PAN3: variants seen among roughly 807,000 people sequenced by gnomAD.
The protein encoded by PAN3 is poly(A) specific ribonuclease subunit PAN3, also known as PAN2-PAN3 deadenylation complex subunit PAN3.
A neutral mutation model predicts 96.2 loss-of-function variants in PAN3; 19 were observed. That is an observed-to-expected ratio of 0.20 (90% CI 0.14 to 0.29). The LOEUF (loss-of-function observed/expected upper bound fraction) is 0.29, where lower values mean the gene tolerates loss of function less well. PAN3 is among the 10% of genes least tolerant of loss of function. The probability of loss-of-function intolerance (pLI) is 1.00; values close to 1 mark genes in which losing one functional copy is unlikely to be tolerated. For synonymous variants in PAN3, 433 were observed against 406.6 expected (o/e 1.06, Z -0.78); for missense variants, 882 against 1,108.1 (o/e 0.80, Z 2.90).
chr13:28,201,678 G>T (rs1878725314), intron 5 of PAN3, among the ~76,000 whole-genome samples: 1 of 152,092 alleles, frequency 6.6e-6, no homozygotes, highest in Non-Finnish European at 1.5e-5. Context: ...GGGATTATAG[G>T]CATAAACGAC....
rs1566216682 is a variant in PAN3, at chr13:28,239,203, A to ACACACGCG, written c.1001-17084_1001-17083insGCGCACAC. Among the ~76,000 whole-genome samples the ACACACGCG allele has an allele frequency of 1.7e-3, 190 of 115,124 alleles. 3 individuals are homozygous for ACACACGCG. In the Middle Eastern group the frequency reaches 0.033, roughly 20 times the overall value. The allele number at this position is 115,124 out of a possible 152,430, so 75.5% of individuals were successfully genotyped here. ...CACACACACACGCATGCACACACGC[A>ACACACGCG]CACACACACACACACACACGGAAAG... is the stretch of plus-strand genomic sequence containing the variant. On this transcript the variant is annotated intron_variant, in intron 6 of 18. Transcript: ENST00000380958.
intron 1 of PAN3, among the ~76,000 whole-genome samples, chr13:28,154,609 C>T (rs1871848648): frequency 6.6e-6 from 1 of 152,092 alleles, no homozygotes; most frequent in Non-Finnish European, 1.5e-5. Flanking sequence ...AGTCTCCCGC[C>T]TCAGCCTCCC....
At chr13:28,176,440 C>T in intron 2 of PAN3, 53 bp from the exon 3 acceptor site, 1 of 1,525,790 alleles carries the variant, frequency 6.6e-7, no homozygotes, top group Non-Finnish European at 9.1e-7. Context: ...TGGTTGGATA[C>T]TTTTATTTCT....
chr13:28,152,535 G>T (rs1871497084), intron 1 of PAN3, among the ~76,000 whole-genome samples: 1 of 151,938 alleles, frequency 6.6e-6, no homozygotes, highest in African/African-American at 2.4e-5. Flanking sequence ...AGTGAGCCGA[G>T]ATGGCGCTAT....
chr13:28,181,851 T>C (rs1399239777), intron 4 of PAN3, among the ~76,000 whole-genome samples: 1 of 152,240 alleles, frequency 6.6e-6, no homozygotes, highest in Non-Finnish European at 1.5e-5. Context: ...AAAGTGATCT[T>C]TTTTGATGTT....
intron 5 of PAN3, chr13:28,215,854 G>A: frequency 2.2e-6 from 3 of 1,387,776 alleles, no homozygotes; most frequent in Middle Eastern, 5.0e-4. Context: ...GCTGGAGCTG[G>A]CAAGGTCACC....
Position 28,288,010 on chromosome 13 carries a change from A to G in PAN3, c.2411A>G (p.Glu804Gly). ...PEFQKDPTWS[E>G]TGDRYLLKLF... ...TTTCAGAAGGATCCCACTTGGTCAG[A>G]GACTGGAGACCGTTATCTGTTGAAA... The change falls in exon 18 of 19, where the codon GAG becomes GGG. Residue 804 changes from glutamate to glycine, a missense_variant. By Grantham distance (98) the Glu-to-Gly change is moderately conservative. This residue lies in a region of PAN3 where 76 missense variants were observed against 171.7 expected (regional missense o/e 0.44). Coordinates refer to ENST00000380958, the MANE Select transcript of PAN3 (RefSeq NM_175854.8). The G allele has an allele frequency of 6.2e-7, 1 of 1,612,002 alleles. No homozygotes were observed. Among genetic ancestry groups the G allele is most frequent in the Non-Finnish European group, 8.5e-7 (1 of 1,179,348 alleles).
At chr13:28,178,076 C>A in intron 4 of PAN3, 141 bp downstream of exon 4, 1 of 677,394 alleles carries the variant, frequency 1.5e-6, no homozygotes, top group South Asian at 2.0e-5. Context: ...TTTTGTTTAT[C>A]CTTTTTCTTT....
At chr13:28,244,729 A>C (rs2138519929) in intron 6 of PAN3, among the ~76,000 whole-genome samples, 1 of 140,968 alleles carries the variant, frequency 7.1e-6, no homozygotes, top group South Asian at 2.3e-4. Context: ...AATTTTCTGC[A>C]ATTTCATCCT....
chr13:28,165,283 CTT>C (rs35652829), intron 1 of PAN3, among the ~76,000 whole-genome samples: 7 of 129,398 alleles, frequency 5.4e-5, no homozygotes, highest in Admixed American at 2.4e-4. Flanking sequence ...CTTATATATC[CTT>C]TTTTTTTTTT....
chr13:28,158,803 G>A (rs534205542), intron 1 of PAN3, among the ~76,000 whole-genome samples: 29 of 152,004 alleles, frequency 1.9e-4, no homozygotes, highest in African/African-American at 6.8e-4. Flanking sequence ...GCGTGAACCC[G>A]GGAGGCGGAG....
At chr13:28,242,085 CTT>C (rs1883720725) in intron 6 of PAN3, among the ~76,000 whole-genome samples, 1 of 152,188 alleles carries the variant, frequency 6.6e-6, no homozygotes, top group East Asian at 1.9e-4. Flanking sequence ...AGTAATGAGA[CTT>C]TGTCAGAAGA....
chr13:28,272,433 A>G (rs1886700001), intron 14 of PAN3: 1 of 161,466 alleles, frequency 6.2e-6, no homozygotes, highest in South Asian at 2.0e-4. Flanking sequence ...TGTCTGGCTA[A>G]AATTTTTTTT....
chr13:28,156,680 A>G (rs987579559), intron 1 of PAN3, among the ~76,000 whole-genome samples: 2 of 152,210 alleles, frequency 1.3e-5, no homozygotes, highest in Non-Finnish European at 2.9e-5. Flanking sequence ...AGCAAACTGA[A>G]TCCAGCAGCA....
At chr13:28,148,746 C>T (rs558662678) in intron 1 of PAN3, among the ~76,000 whole-genome samples, 1 of 152,230 alleles carries the variant, frequency 6.6e-6, no homozygotes, top group African/African-American at 2.4e-5. Context: ...TGCATGAGTG[C>T]ACACATGGAA....
rs142737308 is a variant in PAN3, at chr13:28,276,208, T to C, written c.2050-1029T>C. ...ATGGCTACTGCTGATTTTGGTTTTGTTTTTAAGCTTCTCAAGTGATGGTAA... is the reference window on the plus strand; with the variant it reads ...ATGGCTACTGCTGATTTTGGTTTTGCTTTTAAGCTTCTCAAGTGATGGTAA... On this transcript the variant is annotated intron_variant, in intron 14 of 18. Transcript: ENST00000380958. Among the ~76,000 whole-genome samples the C allele has an allele frequency of 4.8e-3, 729 of 152,332 alleles. 5 individuals carry two copies. The highest frequency in any genetic ancestry group is 8.4e-3 in the Non-Finnish European group (574 of 68,014).
chr13:28,146,497 C>T (rs1008040496), intron 1 of PAN3, among the ~76,000 whole-genome samples: 20 of 151,982 alleles, frequency 1.3e-4, no homozygotes, highest in African/African-American at 4.6e-4. Context: ...AGTTGGGTTC[C>T]TGGTGAGGGC....
At chr13:28,198,026 A>C (rs1878269020) in intron 5 of PAN3, among the ~76,000 whole-genome samples, 1 of 151,978 alleles carries the variant, frequency 6.6e-6, no homozygotes, top group African/African-American at 2.4e-5. Flanking sequence ...TAATCCCAGC[A>C]CTCTGGGAGG....
chr13:28,214,318 T>TAAATATCTAATGGATGA (rs1880458833), intron 5 of PAN3, among the ~76,000 whole-genome samples: 1 of 152,174 alleles, frequency 6.6e-6, no homozygotes. Flanking sequence ...GGAAACAATC[T>TAAATATCTAATGGATGA]AAATATCTAA....
Sources: allele counts gnomAD v4.1 joint callset (sites outside exome capture counted in the v4.1 genomes callset), GRCh38; gene constraint gnomAD v4.1.1; regional missense constraint gnomAD v4.1.1; transcripts MANE v1.5; gene names NCBI Gene and HGNC (gene_info 2026-07-23, HGNC 2026-07-21).